The following ERCC6 variants were observed in gnomAD, a reference collection of about 807,000 sequenced individuals.
ERCC6 encodes the protein DNA excision repair protein ERCC-6.
Under a neutral mutation model 158.7 loss-of-function variants are expected in ERCC6, and 116 were observed. The observed-to-expected ratio is 0.73, with a 90% CI of 0.63 to 0.85. ERCC6 has a LOEUF of 0.85. Ranked by LOEUF, ERCC6 falls within the 40% of genes least tolerant of loss-of-function variation. The pLI is 0.00. For synonymous variants in ERCC6, 678 were observed against 659.3 expected, an observed-to-expected ratio of 1.03 and a Z score of -0.43; for missense variants, 1,698 against 1,799.4, an observed-to-expected ratio of 0.94 and a Z score of 1.02.
chr10:49,473,492 A>C lies in ERCC6; in HGVS notation c.2694T>G (p.Ile898Met). ...CACATGTTACCTCATTGTATCTCGT[A>C]ATCAGTGGCTGTCTTGAAGCTATTG... ...TTTIASRQPLITRYNEDTSIF... is the reference protein window; with the variant it reads ...TTTIASRQPLMTRYNEDTSIF... The change falls in exon 14 of 21, where the codon ATT becomes ATG. Residue 898 changes from isoleucine (I) to methionine (M), a missense_variant. Physicochemically the swap from Ile to Met is conservative, Grantham distance 10. Coordinates refer to ENST00000355832, the MANE Select transcript of ERCC6 (RefSeq NM_000124.4). 1.9e-6 allele frequency: 3 copies of C among 1,606,604 alleles called. No individual in the cohort carries two copies. Among genetic ancestry groups the C allele is most frequent in the Non-Finnish European group, 2.6e-6 (3 of 1,173,086 alleles).
chr10:49,511,779 T>C lies in ERCC6; in HGVS notation c.1398-5767A>G, dbSNP rs533608565. On this transcript the variant is annotated intron_variant, in intron 5 of 20. Transcript: ENST00000355832. The stretch of plus-strand genomic sequence containing the variant: ...CGTCTCAGGCTCCAGTGGTGGTCAC[T>C]AGAAGAGAACCCAACAACAGACACA... 3.4e-4 allele frequency among the ~76,000 whole-genome samples: 52 copies of C among 152,234 alleles called. 1 individual carries two copies. The highest frequency in any genetic ancestry group is 2.5e-3 in the South Asian group (12 of 4,828).
intron 8 of ERCC6, among the ~76,000 whole-genome samples, chr10:49,487,794 T>TA (rs1418758830): frequency 1.3e-5 from 2 of 152,312 alleles, no homozygotes; most frequent in East Asian, 3.9e-4. Context: ...AAATGTTAGC[T>TA]ATAGAAATAC....
chr10:49,488,028 T>A (rs1441486168), intron 8 of ERCC6: 1 of 154,160 alleles, frequency 6.5e-6, no homozygotes, highest in African/African-American at 2.4e-5. Context: ...TTGTTGAATA[T>A]TATGGACGGC....
At chr10:49,526,113 ATT>A (rs1293541382) in intron 4 of ERCC6, among the ~76,000 whole-genome samples, 1,266 of 56,090 alleles carry the variant, frequency 0.023, 42 homozygotes, top group African/African-American at 0.029. Flanking sequence ...ATATTTATAT[ATT>A]TTTATATATA....
rs1387775787 is a variant in ERCC6, at chr10:49,483,508, T to A, written c.1830A>T (p.Leu610=). 1 of 1,614,064 alleles carries A rather than the reference T, an allele frequency of 6.2e-7. No individual in the cohort carries two copies. Among genetic ancestry groups the A allele is most frequent in the South Asian group, 1.1e-5 (1 of 91,082 alleles). Residue 610 remains leucine (L), a synonymous_variant, in exon 9 of 21, where the codon CTA becomes CTT. Coordinates refer to ENST00000355832, the MANE Select transcript of ERCC6 (RefSeq NM_000124.4). ...CATGACAATGAGCAACATCTCGAATTAGTTTCTCCTGAGACCACAATAAAA... is the reference window on the plus strand; with the variant it reads ...CATGACAATGAGCAACATCTCGAATAAGTTTCTCCTGAGACCACAATAAAA... ...TGSYTHKKEK[L]IRDVAHCHGI...
rs933980617 is a variant in ERCC6 at position 49,505,996 on chromosome 10, TCA to T, written c.1412_1413del (p.Leu471GlnfsTer16). On this transcript the variant is annotated frameshift_variant, in exon 6 of 21. Transcript: ENST00000355832. LOFTEE classifies it high-confidence loss of function. ...YKQRLRRWNK[L>X]RLQDKEKRLK... Reference sequence around the variant, plus strand: ...AGACGTTTCTCTTTGTCCTGCAGTCTCAGTTTATTCCATCTCCTACCATGAAA... The same window carrying T: ...AGACGTTTCTCTTTGTCCTGCAGTCTGTTTATTCCATCTCCTACCATGAAA... 6.8e-6 allele frequency: 11 copies of T among 1,613,344 alleles called. No homozygotes were observed. Among genetic ancestry groups the T allele is most frequent in the Non-Finnish European group, 9.3e-6 (11 of 1,179,470 alleles).
At chr10:49,522,334 A>T (rs982124043) in intron 5 of ERCC6, among the ~76,000 whole-genome samples, 1 of 152,174 alleles carries the variant, frequency 6.6e-6, no homozygotes, top group Non-Finnish European at 1.5e-5. Context: ...CCCAAACCAA[A>T]CAGCACCAAA....
chr10:49,451,107 G>A (rs750205317), downstream of ERCC6, among the ~76,000 whole-genome samples: 42 of 151,678 alleles, frequency 2.8e-4, no homozygotes, highest in Non-Finnish European at 4.1e-4. Context: ...CACCATGCCC[G>A]GCCCAACTGA....
In ERCC6 at chr10:49,456,711, T is replaced by C. The variant is rs1463919448; in HGVS notation, c.*2104A>G. The C allele has an allele frequency of 6.6e-6, 1 of 152,184 alleles. No homozygotes were observed. The highest frequency in any genetic ancestry group is 1.5e-5 in the Non-Finnish European group (1 of 68,010). 9.4% of individuals were successfully genotyped at this position (152,184 alleles called of 1,614,324 possible). On this transcript the variant is annotated 3_prime_UTR_variant, in exon 21 of 21. Coordinates refer to ENST00000355832, the MANE Select transcript of ERCC6 (RefSeq NM_000124.4). ...GATAAAGCATGTTAAATACATTAAA[T>C]CTATTTACACTGTACAAAGCTTTTA... is the stretch of plus-strand genomic sequence containing the variant.
intron 7 of ERCC6, among the ~76,000 whole-genome samples, chr10:49,493,970 G>A (rs1851222315): frequency 6.6e-6 from 1 of 152,210 alleles, no homozygotes; most frequent in Admixed American, 6.5e-5. Context: ...GCAAAATCAA[G>A]AGCCTCAACA....
At position 49,534,165 on chromosome 10, in the gene ERCC6, A is replaced by AG. The variant is rs1321344953; in HGVS notation, c.-14-1188_-14-1187insC. On this transcript the variant is annotated intron_variant, in intron 1 of 20. Transcript: ENST00000355832. ...AAAAAAAAAAAAAAACAAAAAAAAA[A>AG]CTCCATTTTAATACACAGTATAATT... is the stretch of plus-strand genomic sequence containing the variant. Among the ~76,000 whole-genome samples, 272 of 138,710 alleles carry AG rather than the reference A, an allele frequency of 2.0e-3. 2 individuals are homozygous for AG. Among genetic ancestry groups the AG allele is most frequent in the Admixed American group, 8.2e-3 (108 of 13,236 alleles). The allele number at this position is 138,710 out of a possible 152,430, so 91.0% of individuals were successfully genotyped here. A position where few individuals can be genotyped will look rare whatever the true frequency, so the allele number is the denominator to read the frequency against.
At chr10:49,435,562 A>C in the ERCC6 span, among the ~76,000 whole-genome samples, 7 of 152,372 alleles carry the variant, frequency 4.6e-5, no homozygotes, top group East Asian at 1.3e-3. Flanking sequence ...AACACTTTAA[A>C]TAGCTTATGA....
the ERCC6 span, among the ~76,000 whole-genome samples, chr10:49,435,941 G>T: frequency 6.6e-6 from 1 of 151,764 alleles, no homozygotes; most frequent in Non-Finnish European, 1.5e-5. Context: ...GGAGGAGGTT[G>T]CAGTGAGCCG....
At chr10:49,489,725 T>A (rs1851139247) in intron 8 of ERCC6, among the ~76,000 whole-genome samples, 2 of 152,184 alleles carry the variant, frequency 1.3e-5, no homozygotes, top group Admixed American at 1.3e-4. Context: ...TCATTATGTA[T>A]CTTCCAATAA....
intron 11 of ERCC6, 101 bp from the exon 12 acceptor site, chr10:49,476,411 T>C: frequency 1.3e-6 from 1 of 784,308 alleles, no homozygotes; most frequent in Non-Finnish European, 2.1e-6. Context: ...GCACAATGCA[T>C]GCGATTTTAA....
chr10:49,461,220 C>T, intron 19 of ERCC6, 132 bp downstream of exon 19: 1 of 947,952 alleles, frequency 1.1e-6, no homozygotes, highest in Middle Eastern at 3.1e-4. Context: ...CCAGATTTTG[C>T]TGCTATAATC....
downstream of ERCC6, among the ~76,000 whole-genome samples, chr10:49,450,001 T>G (rs1350942227): frequency 6.6e-6 from 1 of 152,126 alleles, no homozygotes; most frequent in Non-Finnish European, 1.5e-5. Flanking sequence ...GCCTCCTGAG[T>G]AGCTGGGACT....
chr10:49,482,621 T>C (rs757911809), intron 10 of ERCC6, 66 bp downstream of exon 10: 5 of 1,429,376 alleles, frequency 3.5e-6, no homozygotes, highest in Non-Finnish European at 4.9e-6. Flanking sequence ...GGCTACAAAT[T>C]ATAGTATTTA....
chr10:49,500,827 G>A (rs551772094), intron 6 of ERCC6, 131 bp from the exon 7 acceptor site: 3 of 915,030 alleles, frequency 3.3e-6, no homozygotes, highest in East Asian at 5.1e-5. Flanking sequence ...TGCGGGATGT[G>A]TGTTTTACAT....
Sources: allele counts gnomAD v4.1 joint callset (sites outside exome capture counted in the v4.1 genomes callset), GRCh38; gene constraint gnomAD v4.1.1; transcripts MANE v1.5; gene names NCBI Gene and HGNC (gene_info 2026-07-23, HGNC 2026-07-21).